UTP4: variants seen among roughly 807,000 people sequenced by gnomAD.
The protein encoded by UTP4 is UTP4 small subunit processome component.
UTP4 carries 45 observed loss-of-function variants against 82.4 expected under a neutral mutation model. That is an observed-to-expected ratio of 0.55 (90% CI 0.43 to 0.70). UTP4 has a LOEUF of 0.70. Ranked by LOEUF, UTP4 falls within the 30% of genes least tolerant of loss-of-function variation. The pLI, the probability that UTP4 is intolerant of heterozygous loss-of-function variation, is 0.00. For missense variants in UTP4, 819 were observed against 858.3 expected, an observed-to-expected ratio of 0.95 and a Z score of 0.57; for synonymous variants, 348 against 300.3, an observed-to-expected ratio of 1.16 and a Z score of -1.64.
intron 6 of UTP4, among the ~76,000 whole-genome samples, chr16:69,143,775 G>A (rs1233691144): frequency 6.6e-6 from 1 of 152,168 alleles, no homozygotes; most frequent in African/African-American, 2.4e-5. Flanking sequence ...TATTACCCAA[G>A]GTGGTCTTAA....
At chr16:69,143,858 T>C (rs1253798468) in intron 6 of UTP4, among the ~76,000 whole-genome samples, 1 of 151,986 alleles carries the variant, frequency 6.6e-6, no homozygotes, top group East Asian at 1.9e-4. Context: ...CCACGGCACC[T>C]GGCCAAAATG....
intron 6 of UTP4, among the ~76,000 whole-genome samples, chr16:69,148,613 CTTTTTTTT>C (rs752824037): frequency 1.4e-5 from 2 of 138,360 alleles, no homozygotes; most frequent in Admixed American, 1.5e-4. Flanking sequence ...ATCTTCATTA[CTTTTTTTT>C]TTTTTTTTTG....
chr16:69,157,403 G>A (rs552550831), intron 12 of UTP4, among the ~76,000 whole-genome samples, 163 bp downstream of exon 12: 63 of 152,268 alleles, frequency 4.1e-4, no homozygotes, highest in African/African-American at 1.5e-3. Context: ...GCTGGCAGAT[G>A]AAGACTCTCG....
At chr16:69,151,069 C>T (rs1374639875) in intron 8 of UTP4, among the ~76,000 whole-genome samples, 165 bp downstream of exon 8, 2 of 151,620 alleles carry the variant, frequency 1.3e-5, no homozygotes, top group Admixed American at 6.6e-5. Context: ...TGCAATGGCG[C>T]GATCTCGGCT....
At chr16:69,135,537 AC>A in intron 2 of UTP4, among the ~76,000 whole-genome samples, 1 of 152,132 alleles carries the variant, frequency 6.6e-6, no homozygotes, top group South Asian at 2.1e-4. Flanking sequence ...ACATAGTGAG[AC>A]CCCATCCCTA....
At chr16:69,157,046 C>T (rs774281274) in intron 11 of UTP4, 38 bp from the exon 12 acceptor site, 1 of 1,612,000 alleles carries the variant, frequency 6.2e-7, no homozygotes. Flanking sequence ...TGTAGGTCTC[C>T]CTTCTCTCAC....
chr16:69,142,994 C>T (rs887819474), intron 5 of UTP4, among the ~76,000 whole-genome samples, 184 bp from the exon 6 acceptor site: 6 of 152,182 alleles, frequency 3.9e-5, no homozygotes, highest in Admixed American at 2.6e-4. Flanking sequence ...AGTCAGCTCA[C>T]CTACCATATC....
At chr16:69,163,880 G>GT (rs201368311) in intron 14 of UTP4, among the ~76,000 whole-genome samples, 2,399 of 132,464 alleles carry the variant, frequency 0.018, 126 homozygotes, top group African/African-American at 0.061. Flanking sequence ...TTGATGGTCA[G>GT]TTTGTTTTTT....
intron 2 of UTP4, among the ~76,000 whole-genome samples, chr16:69,135,850 AC>A (rs1567599578): frequency 6.6e-6 from 1 of 151,938 alleles, no homozygotes; most frequent in African/African-American, 2.4e-5. Flanking sequence ...ACATGGAGAA[AC>A]CCCGTCTCTA....
intron 5 of UTP4, among the ~76,000 whole-genome samples, chr16:69,142,883 C>G (rs1673088349): frequency 6.6e-6 from 1 of 152,154 alleles, no homozygotes; most frequent in African/African-American, 2.4e-5. Context: ...ACCTTCTATC[C>G]CTTTCCTGTT....
intron 2 of UTP4, among the ~76,000 whole-genome samples, chr16:69,135,682 C>T (rs1416982681): frequency 6.6e-6 from 1 of 152,234 alleles, no homozygotes; most frequent in East Asian, 1.9e-4. Context: ...TGCCACTGCA[C>T]TCCAGTCTGG....
intron 2 of UTP4, 101 bp downstream of exon 2, chr16:69,133,719 C>G (rs551332178): frequency 1.6e-6 from 2 of 1,245,686 alleles, no homozygotes; most frequent in African/African-American, 1.5e-5. Flanking sequence ...GAGTGACTTC[C>G]TAGCCCCTCT....
chr16:69,150,969 C>T (rs1597143372), intron 8 of UTP4, 65 bp downstream of exon 8: 1 of 1,243,722 alleles, frequency 8.0e-7, no homozygotes, highest in Non-Finnish European at 1.2e-6. Flanking sequence ...CCCTGTCCCA[C>T]AAGCTCTGAA....
intron 6 of UTP4, among the ~76,000 whole-genome samples, chr16:69,149,575 A>C (rs890556387): frequency 5.9e-5 from 9 of 151,832 alleles, no homozygotes; most frequent in Admixed American, 3.3e-4. Context: ...AACAAACAAA[A>C]AAAGATGAGG....
chr16:69,135,402 G>GA (rs1962785275), intron 2 of UTP4, among the ~76,000 whole-genome samples: 1 of 151,952 alleles, frequency 6.6e-6, no homozygotes, highest in South Asian at 2.1e-4. Context: ...CTCAGAGCAA[G>GA]AAAAAATTAG....
chr16:69,141,922 T>C (rs1245289571), intron 5 of UTP4, among the ~76,000 whole-genome samples: 1 of 152,000 alleles, frequency 6.6e-6, no homozygotes, highest in Admixed American at 6.6e-5. Context: ...TGTGCCATGC[T>C]GGTGTGCTGC....
chr16:69,167,378 G>A (rs1963727891), intron 16 of UTP4, 193 bp downstream of exon 16: 2 of 597,772 alleles, frequency 3.3e-6, no homozygotes, highest in South Asian at 1.9e-5. Flanking sequence ...GTAGGTTAGA[G>A]GCAGGCACAT....
chr16:69,167,318 C>T, intron 16 of UTP4, 133 bp downstream of exon 16: 2 of 698,592 alleles, frequency 2.9e-6, no homozygotes, highest in South Asian at 1.5e-5. Flanking sequence ...AGACAAGTCA[C>T]CTTTTTGAGG....
intron 13 of UTP4, among the ~76,000 whole-genome samples, chr16:69,162,636 C>T (rs1228849605): frequency 2.0e-5 from 3 of 150,098 alleles, no homozygotes; most frequent in Admixed American, 6.7e-5. Flanking sequence ...CACTTGAAAC[C>T]GGAAGGTGGA....
Sources: allele counts gnomAD v4.1 joint callset (sites outside exome capture counted in the v4.1 genomes callset), GRCh38; gene constraint gnomAD v4.1.1; transcripts MANE v1.5; gene names NCBI Gene and HGNC (gene_info 2026-07-23, HGNC 2026-07-21).